Variants in IPCEF1 observed in about 807,000 individuals in gnomAD.
The protein encoded by IPCEF1 is interaction protein for cytohesin exchange factors 1.
Under a neutral mutation model 50.9 loss-of-function variants are expected in IPCEF1, and 31 were observed. The ratio of observed to expected loss-of-function variants is 0.61; its 90% CI spans 0.46 to 0.82. IPCEF1 has a LOEUF of 0.82. IPCEF1 is among the 40% of genes least tolerant of loss of function. IPCEF1 has a pLI of 0.00. For synonymous variants in IPCEF1, 181 were observed against 192.0 expected, an observed-to-expected ratio of 0.94 and a Z score of 0.47; for missense variants, 458 against 514.0, an observed-to-expected ratio of 0.89 and a Z score of 1.05.
At position 154,261,192 on chromosome 6, in the gene IPCEF1, G is replaced by A. The variant is rs146117810; in HGVS notation, c.36+4720C>T. 4.6e-3 allele frequency among the ~76,000 whole-genome samples: 692 copies of A among 151,936 alleles called. 8 individuals carry two copies. The highest frequency in any genetic ancestry group is 0.016 in the African/African-American group (674 of 41,414). On this transcript the variant is annotated intron_variant, in intron 3 of 11. Coordinates refer to ENST00000367220, the MANE Select transcript of IPCEF1 (RefSeq NM_001130700.2). Reference sequence around the variant, plus strand: ...TGGGACTACAGACATGAACCAATACGCCTGGCTATTTTTTGTAAAGATGGG... The same window carrying A: ...TGGGACTACAGACATGAACCAATACACCTGGCTATTTTTTGTAAAGATGGG...
chr6:154,219,043 T>TA (rs1778637352), intron 7 of IPCEF1: 1 of 152,154 alleles, frequency 6.6e-6, no homozygotes, highest in Non-Finnish European at 1.5e-5. Context: ...CAACTCTACT[T>TA]ACCATTAGAT....
intron 11 of IPCEF1, among the ~76,000 whole-genome samples, chr6:154,166,390 C>T (rs528705042): frequency 6.6e-6 from 1 of 152,212 alleles, no homozygotes; most frequent in Non-Finnish European, 1.5e-5. Context: ...ACTAATGACT[C>T]AAACTGCACA....
intron 1 of IPCEF1, among the ~76,000 whole-genome samples, chr6:154,353,261 C>T (rs958312042): frequency 6.0e-5 from 9 of 149,036 alleles, no homozygotes; most frequent in Non-Finnish European, 1.3e-4. Flanking sequence ...AGGAGGGTTA[C>T]ATTTTTGTCC....
At chr6:154,317,667 C>CATAA (rs1783258700) in intron 1 of IPCEF1, among the ~76,000 whole-genome samples, 1 of 150,856 alleles carries the variant, frequency 6.6e-6, no homozygotes. Flanking sequence ...AGGAAAATGC[C>CATAA]ATAAAACCAC....
At chr6:154,300,050 C>T (rs1374315630) in intron 1 of IPCEF1, among the ~76,000 whole-genome samples, 1 of 140,830 alleles carries the variant, frequency 7.1e-6, no homozygotes, top group African/African-American at 2.5e-5. Context: ...ATTTTCCAAG[C>T]CCCATGCATG....
At chr6:154,321,805 A>T (rs984540940) in intron 1 of IPCEF1, among the ~76,000 whole-genome samples, 47 of 149,464 alleles carry the variant, frequency 3.1e-4, no homozygotes, top group African/African-American at 1.2e-3. Flanking sequence ...AAAAAAAAAA[A>T]ACCAAGGAAC....
chr6:154,242,451 A>G (rs566530763), intron 5 of IPCEF1, among the ~76,000 whole-genome samples: 51 of 152,230 alleles, frequency 3.4e-4, no homozygotes, highest in Non-Finnish European at 6.5e-4. Flanking sequence ...ATTAAGAACT[A>G]TTAATTGAGA....
At position 154,159,768 on chromosome 6, in the gene IPCEF1, TG is replaced by T. The variant is rs1798859392; in HGVS notation, c.*59del. 5 of 1,336,842 alleles carry T rather than the reference TG, an allele frequency of 3.7e-6. No homozygotes were observed. The highest frequency in any genetic ancestry group is 5.3e-6 in the Non-Finnish European group (5 of 952,024). The allele number at this position is 1,336,842 out of a possible 1,614,324, so 82.8% of individuals were successfully genotyped here. A position where few individuals can be genotyped will look rare whatever the true frequency, so the allele number is the denominator to read the frequency against. ...CCTTTTAAGGAAAAATGTAAGCTTT[TG>T]CAACATCTTGAAGAGTTGCTTGTGA... is the stretch of plus-strand genomic sequence containing the variant. On this transcript the variant is annotated 3_prime_UTR_variant, in exon 12 of 12. Coordinates refer to ENST00000367220, the MANE Select transcript of IPCEF1 (RefSeq NM_001130700.2).
intron 11 of IPCEF1, among the ~76,000 whole-genome samples, chr6:154,163,819 T>C (rs1248022664): frequency 6.6e-6 from 1 of 152,154 alleles, no homozygotes; most frequent in Admixed American, 6.5e-5. Flanking sequence ...CATAGATCAA[T>C]AGCTGGATAG....
intron 1 of IPCEF1, among the ~76,000 whole-genome samples, chr6:154,312,644 C>T (rs565931588): frequency 6.6e-6 from 1 of 152,098 alleles, no homozygotes; most frequent in South Asian, 2.1e-4. Context: ...CCGCACCTGG[C>T]CAGAATCAAA....
At position 154,155,515 on chromosome 6, in the gene IPCEF1, G is replaced by A. The variant is rs1446907019; in HGVS notation, c.*4313C>T. 6 of 152,122 alleles carry A rather than the reference G, an allele frequency of 3.9e-5. No homozygotes were observed. In the East Asian group the frequency reaches 9.6e-4, roughly 24 times the overall value. The allele number at this position is 152,122 out of a possible 1,614,324, so 9.4% of individuals were successfully genotyped here. The stretch of plus-strand genomic sequence containing the variant: ...TGGCTATATCAAAATACTGTCTTTC[G>A]GCCAGGTGTGGTGGCTCACACCTGT... On this transcript the variant is annotated 3_prime_UTR_variant, in exon 12 of 12. Transcript: ENST00000367220.
At chr6:154,185,325 C>T (rs973667211) in intron 10 of IPCEF1, among the ~76,000 whole-genome samples, 2 of 152,154 alleles carry the variant, frequency 1.3e-5, no homozygotes, top group Admixed American at 1.3e-4. Context: ...CACTTCATTC[C>T]AAATATGAAG....
chr6:154,163,135 T>C (rs1296041847), intron 11 of IPCEF1, among the ~76,000 whole-genome samples: 1 of 152,168 alleles, frequency 6.6e-6, no homozygotes, highest in African/African-American at 2.4e-5. Context: ...GTCACTGTCT[T>C]ACTCCGAGCA....
intron 7 of IPCEF1, among the ~76,000 whole-genome samples, chr6:154,220,019 TG>T (rs1778735137): frequency 6.6e-6 from 1 of 151,704 alleles, no homozygotes; most frequent in Non-Finnish European, 1.5e-5. Flanking sequence ...TGTGTGTGTG[TG>T]TGTGTGTGTC....
At chr6:154,354,485 TCTCTAC>T (rs1268774614) in intron 1 of IPCEF1, among the ~76,000 whole-genome samples, 1 of 143,354 alleles carries the variant, frequency 7.0e-6, no homozygotes, top group African/African-American at 2.6e-5. Context: ...ACCTCCACCA[TCTCTAC>T]CGTCACTTCC....
chr6:154,326,015 C>T (rs1783509145), intron 1 of IPCEF1, among the ~76,000 whole-genome samples: 4 of 152,056 alleles, frequency 2.6e-5, no homozygotes, highest in Non-Finnish European at 2.9e-5. Flanking sequence ...CCCTTGAGCT[C>T]TGGAGTTCAA....
chr6:154,275,772 T>A (rs924961360), intron 2 of IPCEF1, among the ~76,000 whole-genome samples: 1 of 151,832 alleles, frequency 6.6e-6, no homozygotes, highest in Non-Finnish European at 1.5e-5. Flanking sequence ...ATTCACTGGC[T>A]AGAAGGCAGC....
chr6:154,337,166 AC>A (rs1050131491), intron 1 of IPCEF1, among the ~76,000 whole-genome samples: 6 of 152,208 alleles, frequency 3.9e-5, no homozygotes, highest in African/African-American at 1.4e-4. Flanking sequence ...GCACAAACAT[AC>A]TCAATAAATT....
chr6:154,337,619 A>G (rs1394556067), intron 1 of IPCEF1, among the ~76,000 whole-genome samples: 1 of 152,226 alleles, frequency 6.6e-6, no homozygotes, highest in Non-Finnish European at 1.5e-5. Flanking sequence ...CACAGCAACG[A>G]GGAAAGAGAT....
Sources: allele counts gnomAD v4.1 joint callset (sites outside exome capture counted in the v4.1 genomes callset), GRCh38; gene constraint gnomAD v4.1.1; transcripts MANE v1.5; gene names NCBI Gene and HGNC (gene_info 2026-07-23, HGNC 2026-07-21).